UROC1: variants seen among roughly 807,000 people sequenced by gnomAD.
UROC1 encodes the protein urocanate hydratase.
UROC1 carries 79 observed loss-of-function variants against 89.5 expected under a neutral mutation model. That is an observed-to-expected ratio of 0.88 (90% CI 0.74 to 1.06). The LOEUF is 1.06. UROC1 is among the 50% of genes least tolerant of loss of function. UROC1 has a pLI of 0.00. For missense variants in UROC1, 885 were observed against 907.8 expected, an observed-to-expected ratio of 0.97 and a Z score of 0.32; for synonymous variants, 361 against 354.8, an observed-to-expected ratio of 1.02 and a Z score of -0.20.
At chr3:126,503,045 G>A (rs1447383129) in intron 9 of UROC1, among the ~76,000 whole-genome samples, 2 of 152,132 alleles carry the variant, frequency 1.3e-5, no homozygotes, top group Admixed American at 6.6e-5. Context: ...ATGTGTGTGT[G>A]TGTGTACATG....
chr3:126,494,579 G>A (rs1388813614), intron 15 of UROC1, among the ~76,000 whole-genome samples: 3 of 152,186 alleles, frequency 2.0e-5, no homozygotes. Flanking sequence ...GGGACTCCTG[G>A]GCCAAGACCC....
intron 16 of UROC1, among the ~76,000 whole-genome samples, chr3:126,490,955 G>A (rs527367960): frequency 7.2e-5 from 11 of 152,302 alleles, no homozygotes; most frequent in Non-Finnish European, 1.2e-4. Context: ...GTTGATGGGC[G>A]TGATCTTCCC....
At chr3:126,510,517 G>T in intron 2 of UROC1, 147 bp downstream of exon 2, 2 of 1,372,726 alleles carry the variant, frequency 1.5e-6, no homozygotes, top group East Asian at 2.5e-5. Context: ...CGACGACACA[G>T]AATCTTCCCT....
rs1382418974 is a variant in UROC1, at chr3:126,509,697, C to G, written c.258-19G>C. On this transcript the variant is annotated intron_variant, in intron 2 of 19. Transcript: ENST00000290868. ...GTAGGCCCTGCAAGGGAAAGCCCAACCACCAGGCTGCCCTTCCCGCCAAAG... is the reference window on the plus strand; with the variant it reads ...GTAGGCCCTGCAAGGGAAAGCCCAAGCACCAGGCTGCCCTTCCCGCCAAAG... 6.5e-7 allele frequency: 1 copy of G among 1,549,886 alleles called. No homozygotes were observed. Among genetic ancestry groups the G allele is most frequent in the African/African-American group, 1.4e-5 (1 of 73,028 alleles).
At chr3:126,500,318 C>CAGG (rs1189844370) in intron 11 of UROC1, among the ~76,000 whole-genome samples, 164 bp from the exon 12 acceptor site, 2 of 152,222 alleles carry the variant, frequency 1.3e-5, no homozygotes, top group African/African-American at 4.8e-5. Context: ...GCCCCTGCCC[C>CAGG]TGTCATCTGT....
chr3:126,515,030 G>T (rs556921379), intron 1 of UROC1, among the ~76,000 whole-genome samples: 3 of 151,976 alleles, frequency 2.0e-5, no homozygotes, highest in Non-Finnish European at 4.4e-5. Context: ...CCTCAGAACT[G>T]CACCCGCTCC....
In UROC1 at chr3:126,510,450, C is replaced by A. The variant is rs538810678; in HGVS notation, c.257+214G>T. On this transcript the variant is annotated intron_variant, in intron 2 of 19. Coordinates refer to ENST00000290868, the MANE Select transcript of UROC1 (RefSeq NM_144639.3). ...CGGGCCTGAGAGACCTGAGAAGCTG[C>A]CCCTATCTTCTGGCAGGCTCAGGGC... Among the ~76,000 whole-genome samples, 60 of 152,356 alleles carry A rather than the reference C, an allele frequency of 3.9e-4. No homozygotes were observed. In the South Asian group the frequency reaches 6.0e-3, roughly 15 times the overall value.
intron 14 of UROC1, among the ~76,000 whole-genome samples, chr3:126,496,760 C>A (rs1935786851): frequency 6.6e-6 from 1 of 152,202 alleles, no homozygotes; most frequent in Non-Finnish European, 1.5e-5. Flanking sequence ...TTTAAATAAG[C>A]TTACACTTTT....
chr3:126,490,258 A>G (rs1398330754), intron 16 of UROC1, among the ~76,000 whole-genome samples: 5 of 152,186 alleles, frequency 3.3e-5, no homozygotes, highest in South Asian at 4.1e-4. Context: ...GGCTGCTCAG[A>G]TACCCAGGAG....
chr3:126,502,694 ATG>A (rs1261083341), intron 9 of UROC1, among the ~76,000 whole-genome samples: 8 of 145,834 alleles, frequency 5.5e-5, no homozygotes, highest in East Asian at 4.2e-4. Flanking sequence ...GTGTCTGTTT[ATG>A]TGTGTGTCTA....
chr3:126,512,127 C>T (rs1576731882), intron 1 of UROC1, among the ~76,000 whole-genome samples: 1 of 152,358 alleles, frequency 6.6e-6, no homozygotes, highest in East Asian at 1.9e-4. Context: ...GGACTGGAGG[C>T]AGCTCTCCAC....
At chr3:126,511,365 C>A (rs547912915) in intron 1 of UROC1, among the ~76,000 whole-genome samples, 78 of 152,346 alleles carry the variant, frequency 5.1e-4, no homozygotes, top group African/African-American at 1.8e-3. Context: ...CCATCCTCTT[C>A]TAACTCCTTT....
Position 126,482,208 on chromosome 3 carries a change from CAGGG to C in UROC1, c.*133_*136del, listed in dbSNP as rs565571944. 6.8e-6 allele frequency: 9 copies of C among 1,320,444 alleles called. No individual in the cohort carries two copies. The East Asian group carries it at 2.1e-4, about 31-fold the overall frequency. The allele number at this position is 1,320,444 out of a possible 1,614,324, so 81.8% of individuals were successfully genotyped here. Reference sequence around the variant, plus strand: ...AATGAGGCTGTGGTGGCACCCTGCACAGGGCACCATAAGGGCCACGTGAGGATGT... The same window carrying C: ...AATGAGGCTGTGGTGGCACCCTGCACCACCATAAGGGCCACGTGAGGATGT... On this transcript the variant is annotated 3_prime_UTR_variant, in exon 20 of 20. Coordinates refer to ENST00000290868, the MANE Select transcript of UROC1 (RefSeq NM_144639.3).
At position 126,498,184 on chromosome 3, in the gene UROC1, G is replaced by A. The variant is rs1384260126; in HGVS notation, c.1317-12C>T. The A allele has an allele frequency of 6.2e-7, 1 of 1,614,152 alleles. No individual in the cohort carries two copies. The highest frequency in any genetic ancestry group is 8.5e-7 in the Non-Finnish European group (1 of 1,180,014). On this transcript the variant is annotated splice_polypyrimidine_tract_variant and intron_variant, in intron 13 of 19. Coordinates refer to ENST00000290868, the MANE Select transcript of UROC1 (RefSeq NM_144639.3). ...GGGAGAATATGTCCCTGCAAGCACA[G>A]ATGCCTCCTCACCCTGGGCCCGCTG...
chr3:126,510,927 A>C, intron 1 of UROC1, 133 bp from the exon 2 acceptor site: 1 of 1,366,582 alleles, frequency 7.3e-7, no homozygotes, highest in Non-Finnish European at 9.8e-7. Context: ...CCACCCAGAG[A>C]CTGTTCTCAC....
At chr3:126,488,313 C>A (rs573126950) in intron 17 of UROC1, 34 bp from the exon 18 acceptor site, 1 of 1,610,304 alleles carries the variant, frequency 6.2e-7, no homozygotes, top group Non-Finnish European at 8.5e-7. Context: ...CTCATCACCC[C>A]CTGCACTGGG....
intron 18 of UROC1, among the ~76,000 whole-genome samples, chr3:126,485,817 CTGTAAGACAT>C (rs1038827480): frequency 6.6e-6 from 1 of 151,968 alleles, no homozygotes; most frequent in African/African-American, 2.4e-5. Flanking sequence ...TTCAGATGCA[CTGTAAGACAT>C]TGTTTAGTGT....
At chr3:126,511,673 C>T (rs940745411) in intron 1 of UROC1, among the ~76,000 whole-genome samples, 6 of 152,218 alleles carry the variant, frequency 3.9e-5, no homozygotes, top group South Asian at 2.1e-4. Flanking sequence ...GGAAATGACT[C>T]GGCCATTCTT....
At chr3:126,506,518 G>T (rs1936064196) in intron 6 of UROC1, among the ~76,000 whole-genome samples, 1 of 152,184 alleles carries the variant, frequency 6.6e-6, no homozygotes, top group African/African-American at 2.4e-5. Context: ...AGGCAAAAGG[G>T]TTAAATAAAT....
Sources: gnomAD v4.1 joint callset for allele counts (sites outside exome capture counted in the v4.1 genomes callset) on GRCh38, gnomAD v4.1.1 for gene constraint, MANE v1.5 for transcripts, NCBI Gene and HGNC (gene_info 2026-07-23, HGNC 2026-07-21) for gene names.